RHOBTB3: variants seen among roughly 807,000 people sequenced by gnomAD.
The protein encoded by RHOBTB3 is rho-related BTB domain-containing protein 3.
RHOBTB3 carries 47 observed loss-of-function variants against 67.2 expected under a neutral mutation model. The observed-to-expected ratio is 0.70, with a 90% confidence interval of 0.55 to 0.89. The LOEUF (loss-of-function observed/expected upper bound fraction) is 0.89, where lower values mean the gene tolerates loss of function less well. Among genes scored for constraint, RHOBTB3 ranks in the 40% least tolerant of loss-of-function variants. The pLI, the probability that RHOBTB3 is intolerant of heterozygous loss-of-function variation, is 0.00. For synonymous variants in RHOBTB3, 273 were observed against 274.2 expected (o/e 1.00, Z 0.04); for missense variants, 631 against 750.0 (o/e 0.84, Z 1.85).
intron 1 of RHOBTB3, among the ~76,000 whole-genome samples, chr5:95,725,277 G>A (rs149136722): frequency 2.0e-4 from 31 of 152,336 alleles, no homozygotes; most frequent in African/African-American, 6.3e-4. Context: ...AAATGATGAT[G>A]AATAAAAGAA....
intron 10 of RHOBTB3, among the ~76,000 whole-genome samples, chr5:95,786,125 G>T (rs1746216777): frequency 6.6e-6 from 1 of 152,112 alleles, no homozygotes; most frequent in African/African-American, 2.4e-5. Context: ...TTTCCTGGTG[G>T]TTCCTAATTT....
intron 6 of RHOBTB3, among the ~76,000 whole-genome samples, chr5:95,760,979 G>A (rs1745377603): frequency 6.6e-6 from 1 of 152,174 alleles, no homozygotes; most frequent in Admixed American, 6.5e-5. Flanking sequence ...GTGCTCTTGA[G>A]AATTAGTCTT....
chr5:95,748,756 A>G (rs1745002981), intron 4 of RHOBTB3, among the ~76,000 whole-genome samples: 1 of 152,214 alleles, frequency 6.6e-6, no homozygotes, highest in Non-Finnish European at 1.5e-5. Flanking sequence ...TATCAAAAGC[A>G]TGTTTACTTA....
chr5:95,721,425 A>C (rs1339503057), intron 1 of RHOBTB3, among the ~76,000 whole-genome samples: 1 of 152,018 alleles, frequency 6.6e-6, no homozygotes. Flanking sequence ...CATTGAAAAC[A>C]CTCCTTCATT....
At chr5:95,763,455 T>C in intron 6 of RHOBTB3, 53 bp from the exon 7 acceptor site, 1 of 1,028,542 alleles carries the variant, frequency 9.7e-7, no homozygotes, top group South Asian at 1.4e-5. Flanking sequence ...AGATTTACTT[T>C]TGTTACTTCC....
chr5:95,721,693 T>TTA, intron 1 of RHOBTB3, among the ~76,000 whole-genome samples: 1 of 132,192 alleles, frequency 7.6e-6, no homozygotes, highest in East Asian at 2.2e-4. Flanking sequence ...CTGAGAGCAT[T>TTA]AAAAAAAAAA....
At chr5:95,746,934 A>G (rs554992150) in intron 3 of RHOBTB3, among the ~76,000 whole-genome samples, 1 of 152,198 alleles carries the variant, frequency 6.6e-6, no homozygotes, top group African/African-American at 2.4e-5. Context: ...CGTATACCCG[A>G]TATTTACATA....
upstream of RHOBTB3, among the ~76,000 whole-genome samples, chr5:95,726,693 T>C (rs543693531): frequency 1.3e-5 from 2 of 152,258 alleles, no homozygotes; most frequent in Non-Finnish European, 2.9e-5. Context: ...TTTTTGCTTG[T>C]GCTTGCATTT....
At position 95,765,762 on chromosome 5, in the gene RHOBTB3, T is replaced by C. The variant is rs576489130; in HGVS notation, c.1161+2142T>C. ...CTGCAAGCTCCGCCTCCCGGGTTCA[T>C]GCCATTCTCCTGCCTCAGCCTCCCG... On this transcript the variant is annotated intron_variant, in intron 7 of 11. Transcript: ENST00000379982. 7.7e-3 allele frequency among the ~76,000 whole-genome samples: 1,179 copies of C among 152,220 alleles called. 17 individuals carry two copies. The highest frequency in any genetic ancestry group is 0.027 in the African/African-American group (1,123 of 41,550).
At chr5:95,753,683 T>G (rs750225950) in intron 5 of RHOBTB3, among the ~76,000 whole-genome samples, 16 of 152,228 alleles carry the variant, frequency 1.1e-4, no homozygotes, top group Non-Finnish European at 2.2e-4. Context: ...AAATCCTTTC[T>G]GGATTAGAAA....
At chr5:95,784,849 T>C (rs1746172458) in intron 10 of RHOBTB3, among the ~76,000 whole-genome samples, 1 of 152,184 alleles carries the variant, frequency 6.6e-6, no homozygotes, top group African/African-American at 2.4e-5. Context: ...TTCCATCCAC[T>C]GCCCGAGACA....
intron 3 of RHOBTB3, among the ~76,000 whole-genome samples, chr5:95,747,775 T>C (rs891380089): frequency 7.9e-5 from 12 of 152,226 alleles, no homozygotes; most frequent in Admixed American, 2.6e-4. Flanking sequence ...TAGAGTTTAA[T>C]GATTGAAATG....
Position 95,793,317 on chromosome 5 carries a change from T to C in RHOBTB3, c.*143T>C. The C allele has an allele frequency of 1.9e-6, 1 of 530,442 alleles. No homozygotes were observed. The highest frequency in any genetic ancestry group is 3.2e-5 in the East Asian group (1 of 31,364). The allele number at this position is 530,442 out of a possible 1,614,324, so 32.9% of individuals were successfully genotyped here. On this transcript the variant is annotated 3_prime_UTR_variant, in exon 12 of 12. Transcript: ENST00000379982. ...AGCTTAATATGTTTATTAGTTCTCT[T>C]TGGAAAAAAACTACCACTGTGGTCT... is the stretch of plus-strand genomic sequence containing the variant.
chr5:95,763,739 T>A, intron 7 of RHOBTB3, 119 bp downstream of exon 7: 1 of 607,974 alleles, frequency 1.6e-6, no homozygotes, highest in South Asian at 2.2e-5. Context: ...GTAAATGTTT[T>A]CCTTAAGTAT....
intron 2 of RHOBTB3, among the ~76,000 whole-genome samples, chr5:95,733,993 AAAT>A (rs573629955): frequency 9.9e-5 from 15 of 152,196 alleles, no homozygotes; most frequent in Non-Finnish European, 1.5e-4. Context: ...CCTATCTATA[AAAT>A]AATATGCCTC....
upstream of RHOBTB3, among the ~76,000 whole-genome samples, chr5:95,726,554 C>T (rs927751201): frequency 1.8e-4 from 27 of 152,190 alleles, no homozygotes; most frequent in Non-Finnish European, 2.9e-5. Flanking sequence ...GTTGTAAATT[C>T]ATACTTAAAA....
intron 6 of RHOBTB3, among the ~76,000 whole-genome samples, chr5:95,758,246 GAAAGA>G (rs937865903): frequency 8.5e-5 from 13 of 152,106 alleles, no homozygotes; most frequent in African/African-American, 3.1e-4. Context: ...GAAAAAAAGA[GAAAGA>G]AAAGAAAAAA....
In RHOBTB3 at chr5:95,793,902, A is replaced by G; in HGVS notation, c.*728A>G. ...TCTGCTATAGCGGAAATTCTTAATA[A>G]TGTTTGAAGAAGGGCCCCATGATTT... On this transcript the variant is annotated 3_prime_UTR_variant, in exon 12 of 12. Transcript: ENST00000379982. The G allele has an allele frequency of 2.3e-6, 1 of 433,556 alleles. No homozygotes were observed. The highest frequency in any genetic ancestry group is 1.6e-5 in the South Asian group (1 of 60,806). 26.9% of individuals were successfully genotyped at this position (433,556 alleles called of 1,614,324 possible).
Position 95,796,070 on chromosome 5 carries a change from G to GCCACC in RHOBTB3, c.*2896_*2897insCCACC, listed in dbSNP as rs1746553061. Reference sequence around the variant, plus strand: ...AAATTAATTCTGTCCAAGCCAGCATGGTGGCTTCATATTAAGTAGTAACAG... The same window carrying GCCACC: ...AAATTAATTCTGTCCAAGCCAGCATGCCACCGTGGCTTCATATTAAGTAGTAACAG... On this transcript the variant is annotated 3_prime_UTR_variant, in exon 12 of 12. Transcript: ENST00000379982. 6.6e-6 allele frequency: 1 copy of GCCACC among 152,164 alleles called. No homozygotes were observed. Among genetic ancestry groups the GCCACC allele is most frequent in the African/African-American group, 2.4e-5 (1 of 41,428 alleles). 9.4% of individuals were successfully genotyped at this position (152,164 alleles called of 1,614,324 possible). A position where few individuals can be genotyped will look rare whatever the true frequency, so the allele number is the denominator to read the frequency against.
Sources: gnomAD v4.1 joint callset for allele counts (sites outside exome capture counted in the v4.1 genomes callset) on GRCh38, gnomAD v4.1.1 for gene constraint, MANE v1.5 for transcripts, NCBI Gene and HGNC (gene_info 2026-07-23, HGNC 2026-07-21) for gene names.